Variants in OTULIN observed in about 807,000 individuals in gnomAD.
OTULIN encodes the protein OTU deubiquitinase with linear linkage specificity.
OTULIN carries 15 observed loss-of-function variants against 39.6 expected under a neutral mutation model. The observed-to-expected ratio is 0.38, with a 90% CI of 0.25 to 0.58. The LOEUF (loss-of-function observed/expected upper bound fraction) is 0.58. OTULIN is among the 20% of genes least tolerant of loss of function. The probability of loss-of-function intolerance (pLI) is 0.66; values close to 1 mark genes in which losing one functional copy is unlikely to be tolerated. For missense variants in OTULIN, 319 were observed against 445.9 expected, an observed-to-expected ratio of 0.72 and a Z score of 2.56; for synonymous variants, 156 against 170.3, an observed-to-expected ratio of 0.92 and a Z score of 0.65.
intron 3 of OTULIN, 94 bp from the exon 4 acceptor site, chr5:14,681,370 G>A: frequency 6.9e-7 from 1 of 1,455,178 alleles, no homozygotes; most frequent in East Asian, 2.3e-5. Flanking sequence ...TCCTCCCAGT[G>A]ATCCCAGGCC....
chr5:14,711,829 G>A, the OTULIN span, among the ~76,000 whole-genome samples: 2 of 152,130 alleles, frequency 1.3e-5, no homozygotes, highest in Non-Finnish European at 2.9e-5. Flanking sequence ...ACAATAAATG[G>A]CCTCTCAGGG....
intron 4 of OTULIN, among the ~76,000 whole-genome samples, chr5:14,682,092 G>A (rs1736264756): frequency 6.6e-6 from 1 of 152,264 alleles, no homozygotes; most frequent in South Asian, 2.1e-4. Context: ...CTGAGGAGCT[G>A]AGACTCAGCC....
chr5:14,689,912 A>G (rs1736481738), intron 5 of OTULIN, 127 bp from the exon 6 acceptor site: 2 of 927,494 alleles, frequency 2.2e-6, no homozygotes, highest in African/African-American at 1.7e-5. Context: ...TGGAAACCTG[A>G]ATGTTGTGAG....
At chr5:14,715,649 T>C in the OTULIN span, among the ~76,000 whole-genome samples, 5 of 152,220 alleles carry the variant, frequency 3.3e-5, no homozygotes, top group African/African-American at 1.2e-4. Flanking sequence ...AGCAGCTTGG[T>C]GAGTTACTTA....
At chr5:14,705,076 AT>A in the OTULIN span, 1 of 152,142 alleles carries the variant, frequency 6.6e-6, no homozygotes, top group Non-Finnish European at 1.5e-5. Flanking sequence ...CTCAGGCTGG[AT>A]TCCAACTCCT....
intron 5 of OTULIN, among the ~76,000 whole-genome samples, chr5:14,688,476 G>A (rs1561000957): frequency 6.6e-6 from 1 of 152,202 alleles, no homozygotes; most frequent in Non-Finnish European, 1.5e-5. Flanking sequence ...AGACTGTCCT[G>A]TGCATTCCTT....
chr5:14,672,263 T>C (rs1423521597), intron 1 of OTULIN, among the ~76,000 whole-genome samples: 3 of 152,148 alleles, frequency 2.0e-5, no homozygotes, highest in African/African-American at 7.2e-5. Context: ...GGATGCAGGC[T>C]GGAGTGGTGG....
chr5:14,671,320 A>T (rs781537763), intron 1 of OTULIN, among the ~76,000 whole-genome samples: 1 of 152,212 alleles, frequency 6.6e-6, no homozygotes, highest in African/African-American at 2.4e-5. Flanking sequence ...TAGACTAAAG[A>T]ACTGGAAGAG....
intron 1 of OTULIN, 116 bp downstream of exon 1, chr5:14,665,093 T>A: frequency 1.2e-6 from 1 of 837,750 alleles, no homozygotes. Context: ...CAATTCTGAG[T>A]GAGGCCGTTG....
At chr5:14,705,618 CAGTTCCCTGATCAGT>C in the OTULIN span, 3 of 152,470 alleles carry the variant, frequency 2.0e-5, no homozygotes, top group Non-Finnish European at 4.4e-5. Flanking sequence ...TAGCTTTAGA[CAGTTCCCTGATCAGT>C]ACATCATTAA....
At chr5:14,705,946 C>T in the OTULIN span, 1 of 152,180 alleles carries the variant, frequency 6.6e-6, no homozygotes, top group African/African-American at 2.4e-5. Flanking sequence ...TCCAGAGGCG[C>T]CATTTCTTGC....
chr5:14,711,224 GATGTCTGTCACCTCCTCTGTCGGAGGC>G, the OTULIN span: 8 of 1,613,924 alleles, frequency 5.0e-6, no homozygotes, highest in East Asian at 8.9e-5. Context: ...TCATTTCCAC[GATGTCTGTCACCTCCTCTGTCGGAGGC>G]ATGTCTGTCA....
chr5:14,664,771 G>T lies in OTULIN; in HGVS notation c.-55G>T. ...CGGCCACTGCCTGGCACCCCGACGG[G>T]AGGGGCTCCGGATCGTTCGGAGCCG... On this transcript the variant is annotated 5_prime_UTR_variant, in exon 1 of 7. Transcript: ENST00000284274. 8.9e-7 allele frequency: 1 copy of T among 1,127,542 alleles called. No homozygotes were observed. Among genetic ancestry groups the T allele is most frequent in the South Asian group, 4.2e-5 (1 of 23,934 alleles). The allele number at this position is 1,127,542 out of a possible 1,614,324, so 69.8% of individuals were successfully genotyped here.
At chr5:14,679,560 C>T (rs1229343433) in intron 3 of OTULIN, among the ~76,000 whole-genome samples, 1 of 152,162 alleles carries the variant, frequency 6.6e-6, no homozygotes, top group East Asian at 1.9e-4. Flanking sequence ...TTTGAATGCA[C>T]TTCTTATATA....
At position 14,695,937 on chromosome 5, in the gene OTULIN, A is replaced by C. The variant is rs1218471175; in HGVS notation, c.*2889A>C. 6.6e-6 allele frequency: 1 copy of C among 150,870 alleles called. No homozygotes were observed. The highest frequency in any genetic ancestry group is 1.5e-5 in the Non-Finnish European group (1 of 67,816). The allele number at this position is 150,870 out of a possible 1,614,324, so 9.3% of individuals were successfully genotyped here. A position where few individuals can be genotyped will look rare whatever the true frequency, so the allele number is the denominator to read the frequency against. On this transcript the variant is annotated 3_prime_UTR_variant, in exon 7 of 7. Coordinates refer to ENST00000284274, the MANE Select transcript of OTULIN (RefSeq NM_138348.6). ...ACTTTTGTTACTCTATTATATATTC[A>C]GTTAGTGTCTGATAAGATTTTCTTT...
downstream of OTULIN, among the ~76,000 whole-genome samples, chr5:14,701,148 T>C (rs896447069): frequency 2.6e-5 from 4 of 152,342 alleles, no homozygotes; most frequent in South Asian, 2.1e-4. Flanking sequence ...TGAGGCCCCC[T>C]CTGTCTCCCC....
chr5:14,712,792 C>T, the OTULIN span: 5 of 1,377,988 alleles, frequency 3.6e-6, no homozygotes, highest in South Asian at 1.2e-5. Context: ...ACGCCACCAT[C>T]CAACCTGGTC....
intron 1 of OTULIN, among the ~76,000 whole-genome samples, chr5:14,667,339 G>A (rs569086755): frequency 1.3e-5 from 2 of 152,318 alleles, no homozygotes; most frequent in African/African-American, 4.8e-5. Context: ...TGAGAGAAGT[G>A]GGGGAAAAGA....
chr5:14,691,189 A>T (rs180856828), intron 6 of OTULIN, among the ~76,000 whole-genome samples: 17 of 152,204 alleles, frequency 1.1e-4, no homozygotes, highest in Non-Finnish European at 1.9e-4. Context: ...GGAATAGCCA[A>T]CCGCTAAAGT....
Sources: allele counts gnomAD v4.1 joint callset (sites outside exome capture counted in the v4.1 genomes callset), GRCh38; gene constraint gnomAD v4.1.1; transcripts MANE v1.5; gene names NCBI Gene and HGNC (gene_info 2026-07-23, HGNC 2026-07-21).